NEIL2: variants seen among roughly 807,000 people sequenced by gnomAD.
The protein encoded by NEIL2 is nei like DNA glycosylase 2.
A neutral mutation model predicts 22.2 loss-of-function variants in NEIL2; 23 were observed. The observed-to-expected ratio is 1.04, with a 90% CI of 0.75 to 1.47. NEIL2 has a LOEUF of 1.47. Ranked by LOEUF, NEIL2 falls within the 40% of genes most tolerant of loss-of-function variation. The pLI, the probability that NEIL2 is intolerant of heterozygous loss-of-function variation, is 0.00. For missense variants in NEIL2, 583 were observed against 404.7 expected, an observed-to-expected ratio of 1.44 and a Z score of -3.78; for synonymous variants, 229 against 164.8, an observed-to-expected ratio of 1.39 and a Z score of -2.99.
chr8:11,778,967 A>G (rs2686182), intron 2 of NEIL2, among the ~76,000 whole-genome samples: 121,656 of 126,158 alleles, frequency 0.96, 59,246 homozygotes, highest in Middle Eastern at 1. Flanking sequence ...AAAAAAAAAG[A>G]CAGCAGAACA....
chr8:11,772,190 G>A lies in NEIL2; in HGVS notation c.138+605G>A, dbSNP rs8191540. Among the ~76,000 whole-genome samples, 814 of 149,806 alleles carry A rather than the reference G, an allele frequency of 5.4e-3. 7 individuals are homozygous for A. Among genetic ancestry groups the A allele is most frequent in the Non-Finnish European group, 9.4e-3 (636 of 67,862 alleles). The stretch of plus-strand genomic sequence containing the variant: ...TGCACTCCAGCCTGGGTGACAGAGT[G>A]AGACTCCGTCTCAAAAAAAAGAAAA... On this transcript the variant is annotated intron_variant, in intron 2 of 4. Coordinates refer to ENST00000284503, the MANE Select transcript of NEIL2 (RefSeq NM_145043.4).
intron 3 of NEIL2, among the ~76,000 whole-genome samples, chr8:11,780,940 G>A (rs563216028): frequency 4.6e-5 from 7 of 152,144 alleles, no homozygotes; most frequent in Non-Finnish European, 1.0e-4. Context: ...TTTGTGACAT[G>A]TGTTGCCAGT....
intron 3 of NEIL2, among the ~76,000 whole-genome samples, chr8:11,781,737 A>C (rs1736924131): frequency 6.6e-6 from 1 of 152,024 alleles, no homozygotes; most frequent in Non-Finnish European, 1.5e-5. Flanking sequence ...GCCTGAGTTT[A>C]TCTACTTTGT....
Position 11,782,388 on chromosome 8 carries a change from G to T in NEIL2, c.492-815G>T, listed in dbSNP as rs527632203. 3.3e-5 allele frequency among the ~76,000 whole-genome samples: 5 copies of T among 152,246 alleles called. No homozygotes were observed. The East Asian group carries it at 7.7e-4, about 24-fold the overall frequency. On this transcript the variant is annotated intron_variant, in intron 3 of 4. Coordinates refer to ENST00000284503, the MANE Select transcript of NEIL2 (RefSeq NM_145043.4). ...TGCAGTGAGCCAAGATAGTGCCACT[G>T]CACTCCCGCTTGGGTGACAAGAATG...
At chr8:11,778,791 A>C (rs1347557215) in intron 2 of NEIL2, among the ~76,000 whole-genome samples, 1 of 151,906 alleles carries the variant, frequency 6.6e-6, no homozygotes, top group Non-Finnish European at 1.5e-5. Context: ...GTCTCTGCTA[A>C]ATATACAAAA....
At chr8:11,771,424 T>C (rs1209740779) in intron 1 of NEIL2, 22 bp from the exon 2 acceptor site, 1 of 1,612,920 alleles carries the variant, frequency 6.2e-7, no homozygotes, top group South Asian at 1.1e-5. Flanking sequence ...CGGTGGCCTC[T>C]TTTGCCCATT....
rs1443629957 is a variant in NEIL2, at chr8:11,779,659, G to C, written c.200G>C (p.Ser67Thr). 6.8e-6 allele frequency: 11 copies of C among 1,613,730 alleles called. No homozygotes were observed. The highest frequency in any genetic ancestry group is 9.3e-6 in the Non-Finnish European group (11 of 1,179,974). Reference sequence around the variant, plus strand: ...GATGAAGAAATGGGGCCCCCTGGCAGCAGCCCAACACCAGAGCCTCCACAA... The same window carrying C: ...GATGAAGAAATGGGGCCCCCTGGCACCAGCCCAACACCAGAGCCTCCACAA... ...DLDEEMGPPG[S>T]SPTPEPPQKE... The change falls in exon 3 of 5, where the codon AGC becomes ACC. Residue 67 changes from serine to threonine, a missense_variant. Coordinates refer to ENST00000284503, the MANE Select transcript of NEIL2 (RefSeq NM_145043.4).
chr8:11,785,297 G>C (rs1804804325), intron 4 of NEIL2, among the ~76,000 whole-genome samples: 1 of 152,172 alleles, frequency 6.6e-6, no homozygotes, highest in Non-Finnish European at 1.5e-5. Flanking sequence ...CCAGGTTTAA[G>C]CTAGTCTCCT....
intron 1 of NEIL2, among the ~76,000 whole-genome samples, chr8:11,770,746 G>A (rs1419109684): frequency 6.6e-6 from 1 of 152,130 alleles, no homozygotes; most frequent in African/African-American, 2.4e-5. Flanking sequence ...GTAGGCGGCT[G>A]TCAGTGGACT....
chr8:11,782,806 G>A (rs1240502372), intron 3 of NEIL2: 1 of 336,674 alleles, frequency 3.0e-6, no homozygotes, highest in African/African-American at 2.2e-5. Context: ...ATGTGTGTAT[G>A]ATCCAGCCAC....
At chr8:11,774,339 C>G (rs1223444352) in intron 2 of NEIL2, among the ~76,000 whole-genome samples, 1 of 152,142 alleles carries the variant, frequency 6.6e-6, no homozygotes, top group African/African-American at 2.4e-5. Context: ...CGCACCTGCG[C>G]TCCAGCCTCA....
chr8:11,772,411 A>T (rs1803535649), intron 2 of NEIL2, among the ~76,000 whole-genome samples: 1 of 152,088 alleles, frequency 6.6e-6, no homozygotes, highest in African/African-American at 2.4e-5. Context: ...CCCCCTGCTC[A>T]AGCACTTCTT....
At chr8:11,784,500 C>G (rs1464948007) in intron 4 of NEIL2, among the ~76,000 whole-genome samples, 1 of 152,156 alleles carries the variant, frequency 6.6e-6, no homozygotes, top group Non-Finnish European at 1.5e-5. Context: ...TCAATGAATT[C>G]TGGAGAGACT....
intron 4 of NEIL2, among the ~76,000 whole-genome samples, chr8:11,784,363 G>A (rs150299866): frequency 7.2e-4 from 110 of 152,320 alleles, no homozygotes; most frequent in African/African-American, 2.6e-3. Context: ...CCAGGCACAT[G>A]TTCTTGTCCT....
In NEIL2 at chr8:11,771,544, C is replaced by T. The variant is rs1247481256; in HGVS notation, c.97C>T (p.Gln33Ter). ...GACAGGGGGCAGCAGTAAGAAGCTA[C>T]AGCCCGCCAGCCTGCAGTCTCTGTG... ...VKTGGSSKKL[Q>*]PASLQSLWLQ... The change falls in exon 2 of 5, where the codon CAG (glutamine) becomes TAG (stop). Residue 33 changes from glutamine to a stop codon, truncating the protein, a stop_gained. Transcript: ENST00000284503. LOFTEE classifies it high-confidence loss of function. The T allele has an allele frequency of 1.9e-6, 3 of 1,613,986 alleles. No homozygotes were observed. Among genetic ancestry groups the T allele is most frequent in the Non-Finnish European group, 2.5e-6 (3 of 1,180,028 alleles).
intron 3 of NEIL2, among the ~76,000 whole-genome samples, chr8:11,781,288 G>C (rs1292675365): frequency 6.6e-6 from 1 of 152,144 alleles, no homozygotes; most frequent in Non-Finnish European, 1.5e-5. Context: ...AAGGAGGGTG[G>C]GCTTTGGGGC....
intron 3 of NEIL2, 104 bp downstream of exon 3, chr8:11,780,054 C>G (rs1001488394): frequency 7.1e-6 from 7 of 983,494 alleles, no homozygotes; most frequent in Non-Finnish European, 1.1e-5. Flanking sequence ...GACGTCCAGT[C>G]TGCCCCCCAG....
intron 2 of NEIL2, among the ~76,000 whole-genome samples, chr8:11,776,302 C>G (rs184459806): frequency 6.6e-6 from 1 of 152,318 alleles, no homozygotes; most frequent in African/African-American, 2.4e-5. Context: ...GGAAAAAACC[C>G]ATCCCCATGA....
chr8:11,772,736 G>A (rs1044623885), intron 2 of NEIL2, among the ~76,000 whole-genome samples: 8 of 152,186 alleles, frequency 5.3e-5, no homozygotes, highest in East Asian at 1.9e-4. Context: ...ATGAGCTCAC[G>A]CGCTCTGCTG....
Sources: gnomAD v4.1 joint callset for allele counts (sites outside exome capture counted in the v4.1 genomes callset) on GRCh38, gnomAD v4.1.1 for gene constraint, MANE v1.5 for transcripts, NCBI Gene and HGNC (gene_info 2026-07-23, HGNC 2026-07-21) for gene names.